Variants in RNF19A observed in about 807,000 individuals in gnomAD.
RNF19A encodes the protein ring finger protein 19A, RBR E3 ubiquitin protein ligase.
A neutral mutation model predicts 75.7 loss-of-function variants in RNF19A; 32 were observed. The ratio of observed to expected loss-of-function variants is 0.42; its 90% CI spans 0.32 to 0.57. The LOEUF (loss-of-function observed/expected upper bound fraction) is 0.57, where lower values mean the gene tolerates loss of function less well. Among genes scored for constraint, RNF19A ranks in the 20% least tolerant of loss-of-function variants. The pLI is 0.10. For synonymous variants in RNF19A, 335 were observed against 345.2 expected (o/e 0.97, Z 0.33); for missense variants, 782 against 1,036.3 (o/e 0.75, Z 3.37).
At position 100,275,597 on chromosome 8, in the gene RNF19A, C is replaced by T. The variant is rs952503791; in HGVS notation, c.675-436G>A. 2.0e-5 allele frequency among the ~76,000 whole-genome samples: 3 copies of T among 151,696 alleles called. No individual in the cohort carries two copies. The highest frequency in any genetic ancestry group is 7.3e-5 in the African/African-American group (3 of 41,294). On this transcript the variant is annotated intron_variant, in intron 2 of 9. Coordinates refer to ENST00000341084, the MANE Select transcript of RNF19A (RefSeq NM_183419.4). This position sits in a 1 kb window ranked among gnomAD's most constrained non-coding sequence, Gnocchi z 4.3. ...GATACCAAATTGCATTTAGCCTAAT[C>T]TCAATTTTATAAAAAACCATATTAA...
intron 1 of RNF19A, among the ~76,000 whole-genome samples, chr8:100,328,184 C>T (rs1232525864): frequency 6.6e-6 from 1 of 152,170 alleles, no homozygotes; most frequent in East Asian, 1.9e-4. Flanking sequence ...CACCTTCTGC[C>T]ACACCCTCAG....
At chr8:100,307,416 C>T (rs377092771) in intron 1 of RNF19A, among the ~76,000 whole-genome samples, 1 of 152,034 alleles carries the variant, frequency 6.6e-6, no homozygotes, top group Admixed American at 6.5e-5. Context: ...ATATCTCAAC[C>T]ATCTGTGCCC....
In RNF19A at chr8:100,261,276, T is replaced by G. The variant is rs1241408435; in HGVS notation, c.1682+266A>C. 6.6e-6 allele frequency among the ~76,000 whole-genome samples: 1 copy of G among 151,968 alleles called. No individual in the cohort carries two copies. On this transcript the variant is annotated intron_variant, in intron 8 of 9. Coordinates refer to ENST00000341084, the MANE Select transcript of RNF19A (RefSeq NM_183419.4). This position sits in a 1 kb window ranked among gnomAD's most constrained non-coding sequence, Gnocchi z 4.4. ...AATCCGGCTAATTTTTTATATTTTT[T>G]TAGTAGAGATGGGGTTTCGCCATGT...
rs1819613808 is a variant in RNF19A, at chr8:100,259,529, T to C, written c.1827-283A>G. ...TTTATTCAGATACAATTCCCCTGTT[T>C]AAAGTGTACAATTCAGTGATTTTTA... is the stretch of plus-strand genomic sequence containing the variant. On this transcript the variant is annotated intron_variant, in intron 9 of 9. Transcript: ENST00000341084. The surrounding 1 kb of genome is among the most constrained non-coding windows in gnomAD (Gnocchi z 4.5). 6.6e-6 allele frequency among the ~76,000 whole-genome samples: 1 copy of C among 152,230 alleles called. No homozygotes were observed. The highest frequency in any genetic ancestry group is 2.1e-4 in the South Asian group (1 of 4,830).
In RNF19A at chr8:100,259,311, G is replaced by C; in HGVS notation, c.1827-65C>G. 1 of 1,341,082 alleles carries C rather than the reference G, an allele frequency of 7.5e-7. No individual in the cohort carries two copies. 83.1% of individuals were successfully genotyped at this position (1,341,082 alleles called of 1,614,324 possible). A position where few individuals can be genotyped will look rare whatever the true frequency, so the allele number is the denominator to read the frequency against. ...CTTCTTTTTGTTCAGATGACTGGGGGAAGGGTTTCTATGTGGAAAATTCAG... is the reference window on the plus strand; with the variant it reads ...CTTCTTTTTGTTCAGATGACTGGGGCAAGGGTTTCTATGTGGAAAATTCAG... On this transcript the variant is annotated intron_variant, in intron 9 of 9. Coordinates refer to ENST00000341084, the MANE Select transcript of RNF19A (RefSeq NM_183419.4). The surrounding 1 kb of genome is among the most constrained non-coding windows in gnomAD (Gnocchi z 4.5).
Position 100,264,748 on chromosome 8 carries a change from T to G in RNF19A, c.1229A>C (p.His410Pro). 6.2e-7 allele frequency: 1 copy of G among 1,613,770 alleles called. No individual in the cohort carries two copies. Among genetic ancestry groups the G allele is most frequent in the East Asian group, 2.2e-5 (1 of 44,876 alleles). Reference sequence around the variant, plus strand: ...ACCTGCTATGGCCAAATTCCGTTTGTGCTTTGAAACATCCTTGCCTTCATA... The same window carrying G: ...ACCTGCTATGGCCAAATTCCGTTTGGGCTTTGAAACATCCTTGCCTTCATA... ...NRYEGKDVSK[H>P]KRNLAIAGGV... The change falls in exon 6 of 10, where the codon CAC (histidine) becomes CCC (proline). Residue 410 changes from histidine (H) to proline (P), a missense_variant. Physicochemically the swap from His to Pro is moderately conservative, Grantham distance 77. This residue lies in a region of RNF19A where 442 missense variants were observed against 541.6 expected (regional missense o/e 0.82). Transcript: ENST00000341084. This position sits in a 1 kb window ranked among gnomAD's most constrained non-coding sequence, Gnocchi z 4.7.
upstream of RNF19A, chr8:100,310,302 C>T (rs960349321): frequency 6.4e-6 from 6 of 942,816 alleles, no homozygotes; most frequent in Non-Finnish European, 7.6e-6. Context: ...CCCCGCTGCA[C>T]CCGGGTGGCC....
upstream of RNF19A, chr8:100,310,091 G>T (rs927498580): frequency 9.1e-6 from 9 of 985,386 alleles, no homozygotes; most frequent in Non-Finnish European, 1.1e-5. Context: ...AACCAGCGCC[G>T]CAACTACCAC....
upstream of RNF19A, among the ~76,000 whole-genome samples, chr8:100,314,087 G>T (rs754456225): frequency 3.3e-5 from 5 of 151,626 alleles, no homozygotes; most frequent in African/African-American, 9.7e-5. This position sits in a 1 kb window ranked among gnomAD's most constrained non-coding sequence, Gnocchi z 4.1. Context: ...TTGCCATGTC[G>T]CTCAGGTGGG....
At chr8:100,272,234 G>A (rs575444799) in intron 3 of RNF19A, among the ~76,000 whole-genome samples, 10 of 152,110 alleles carry the variant, frequency 6.6e-5, no homozygotes, top group African/African-American at 2.4e-4. Context: ...CTATAAAAAA[G>A]AGCCTCAAGT....
At chr8:100,313,764 G>A (rs1822334762), upstream of RNF19A, among the ~76,000 whole-genome samples, 1 of 152,172 alleles carries the variant, frequency 6.6e-6, no homozygotes, top group South Asian at 2.1e-4. Context: ...CAATAAAGAT[G>A]TCATAGTTCT....
chr8:100,334,574 C>T (rs936103577), intron 1 of RNF19A, among the ~76,000 whole-genome samples: 2 of 152,216 alleles, frequency 1.3e-5, no homozygotes, highest in African/African-American at 4.8e-5. Flanking sequence ...TGGCTGCTCA[C>T]CTTCTCCCTT....
chr8:100,326,579 C>A lies in RNF19A; in HGVS notation c.-243+9529G>T, dbSNP rs375762328. 2.6e-4 allele frequency among the ~76,000 whole-genome samples: 39 copies of A among 152,226 alleles called. No homozygotes were observed. The South Asian group carries it at 8.1e-3, about 32-fold the overall frequency. ...CTCCCCCTTTCCTGCTTTACTGATA[C>A]CATTCAATAAAGGGGAAAGCACTTG... On this transcript the variant is annotated intron_variant, in intron 1 of 3. Coordinates refer to the RNF19A transcript ENST00000519527.
At chr8:100,310,853 T>C (rs1822276149), upstream of RNF19A, among the ~76,000 whole-genome samples, 1 of 152,232 alleles carries the variant, frequency 6.6e-6, no homozygotes, top group African/African-American at 2.4e-5. Context: ...TATTTGTTCC[T>C]TCGTCTCATA....
intron 1 of RNF19A, among the ~76,000 whole-genome samples, chr8:100,306,110 A>C (rs936491890): frequency 2.6e-5 from 4 of 152,148 alleles, no homozygotes; most frequent in Non-Finnish European, 2.9e-5. Flanking sequence ...TTCAAATCAT[A>C]AGGACTATTT....
Position 100,330,649 on chromosome 8 carries a change from AT to A in RNF19A, c.-243+5458del, listed in dbSNP as rs1252923792. 6.6e-6 allele frequency among the ~76,000 whole-genome samples: 1 copy of A among 152,236 alleles called. No homozygotes were observed. The highest frequency in any genetic ancestry group is 1.5e-5 in the Non-Finnish European group (1 of 68,036). ...GAGAAAGAGAACGAATATCCTGATG[AT>A]ATTGTTGAGTCTCTGGACTTTCCAG... On this transcript the variant is annotated intron_variant, in intron 1 of 3. Transcript: ENST00000519527. This position sits in a 1 kb window ranked among gnomAD's most constrained non-coding sequence, Gnocchi z 4.1.
chr8:100,270,206 C>G (rs893623293), intron 3 of RNF19A, among the ~76,000 whole-genome samples, 193 bp from the exon 4 acceptor site: 1 of 151,948 alleles, frequency 6.6e-6, no homozygotes, highest in African/African-American at 2.4e-5. Flanking sequence ...ATTAAAATAT[C>G]AAGTTATAAA....
chr8:100,297,888 G>A (rs904721774), intron 1 of RNF19A, among the ~76,000 whole-genome samples: 2 of 152,092 alleles, frequency 1.3e-5, no homozygotes, highest in African/African-American at 4.8e-5. Flanking sequence ...ATAAATATGG[G>A]GTAGTGATAG....
intron 1 of RNF19A, among the ~76,000 whole-genome samples, chr8:100,301,626 A>ACTC (rs1222773879): frequency 1.3e-5 from 2 of 151,874 alleles, no homozygotes; most frequent in Non-Finnish European, 2.9e-5. Flanking sequence ...TGCTAGTCCT[A>ACTC]CTCCTCTTTC....
Sources: allele counts gnomAD v4.1 joint callset (sites outside exome capture counted in the v4.1 genomes callset), GRCh38; gene constraint gnomAD v4.1.1; regional missense constraint gnomAD v4.1.1; non-coding constraint Gnocchi (gnomAD v3.1); transcripts MANE v1.5; gene names NCBI Gene and HGNC (gene_info 2026-07-23, HGNC 2026-07-21).